The following CAMTA1 variants were observed in gnomAD, a reference collection of about 807,000 sequenced individuals.
CAMTA1 encodes calmodulin binding transcription activator 1.
In CAMTA1, 27 loss-of-function variants were observed where a neutral mutation model predicts 170.9. The observed-to-expected ratio is 0.16, with a 90% CI of 0.12 to 0.22. The LOEUF is 0.22. Among genes scored for constraint, CAMTA1 ranks in the 10% least tolerant of loss-of-function variants. The pLI, the probability that CAMTA1 is intolerant of heterozygous loss-of-function variation, is 1.00. For synonymous variants in CAMTA1, 833 were observed against 891.5 expected (o/e 0.93, Z 1.17); for missense variants, 1,619 against 2,217.2 (o/e 0.73, Z 5.42).
At chr1:6,913,380 C>A (rs1317977093) in intron 3 of CAMTA1, among the ~76,000 whole-genome samples, 2 of 152,190 alleles carry the variant, frequency 1.3e-5, no homozygotes, top group Non-Finnish European at 2.9e-5. Context: ...CCTCCCAGAT[C>A]TGCCTGCTTT....
intron 5 of CAMTA1, among the ~76,000 whole-genome samples, chr1:7,372,746 G>A (rs528726736): frequency 2.2e-4 from 34 of 152,314 alleles, no homozygotes; most frequent in African/African-American, 8.2e-4. Context: ...TTACCCTGTC[G>A]CACAGAAGTG....
intron 2 of CAMTA1, 72 bp downstream of exon 2, chr1:6,820,322 CAGTG>C: frequency 6.7e-7 from 1 of 1,487,012 alleles, no homozygotes; most frequent in Non-Finnish European, 9.4e-7. Context: ...TCATCTAGTA[CAGTG>C]GAAACAGCCT....
At chr1:7,741,440 G>T (rs1213816729) in intron 16 of CAMTA1, among the ~76,000 whole-genome samples, 1 of 151,996 alleles carries the variant, frequency 6.6e-6, no homozygotes, top group Non-Finnish European at 1.5e-5. Context: ...GCGGGCACCT[G>T]TAGTCCCAGT....
chr1:7,110,825 G>A (rs1056361943), intron 4 of CAMTA1, among the ~76,000 whole-genome samples: 34 of 152,216 alleles, frequency 2.2e-4, no homozygotes, highest in African/African-American at 5.1e-4. Flanking sequence ...GTGCGACCTC[G>A]ATTCCCAAAT....
intron 4 of CAMTA1, among the ~76,000 whole-genome samples, chr1:7,214,678 T>G (rs913616534): frequency 7.2e-5 from 11 of 152,216 alleles, no homozygotes; most frequent in Admixed American, 1.3e-4. Flanking sequence ...AAGATTTTAA[T>G]TTTCATGAAG....
chr1:7,031,225 G>C (rs1387152615), intron 3 of CAMTA1, among the ~76,000 whole-genome samples: 1 of 151,872 alleles, frequency 6.6e-6, no homozygotes, highest in Non-Finnish European at 1.5e-5. Context: ...ATTTCTATCA[G>C]TTTTTGCTTC....
rs1006954256 is a variant in CAMTA1, at chr1:7,682,930, G to C, written c.2914+5197G>C. 2.0e-5 allele frequency among the ~76,000 whole-genome samples: 3 copies of C among 152,208 alleles called. No individual in the cohort carries two copies. Among genetic ancestry groups the C allele is most frequent in the Non-Finnish European group, 4.4e-5 (3 of 68,040 alleles). ...CTCACGCCTGTGATCCCAGCACTTT[G>C]GGAGGCCGAGGCAGGCGGATCACAA... On this transcript the variant is annotated intron_variant, in intron 11 of 22. Transcript: ENST00000303635. This position sits in a 1 kb window ranked among gnomAD's most constrained non-coding sequence, Gnocchi z 5.0.
At chr1:7,180,980 T>C (rs1652035497) in intron 4 of CAMTA1, among the ~76,000 whole-genome samples, 1 of 152,226 alleles carries the variant, frequency 6.6e-6, no homozygotes, top group Non-Finnish European at 1.5e-5. Context: ...TATAAACTTA[T>C]AAATATTGAA....
intron 5 of CAMTA1, among the ~76,000 whole-genome samples, chr1:7,266,141 A>G (rs7517429): frequency 0.93 from 141,104 of 152,328 alleles, 65,515 homozygotes; most frequent in African/African-American, 0.98. Context: ...ATGCAGATCC[A>G]GTAGATTGGC....
intron 3 of CAMTA1, among the ~76,000 whole-genome samples, chr1:7,058,502 G>A (rs1006006283): frequency 6.6e-6 from 1 of 152,202 alleles, no homozygotes; most frequent in African/African-American, 2.4e-5. Flanking sequence ...GGCAGGTGCT[G>A]ATGTAGTTTC....
chr1:7,332,627 C>A (rs2083102107), intron 5 of CAMTA1, among the ~76,000 whole-genome samples: 1 of 152,180 alleles, frequency 6.6e-6, no homozygotes, highest in Non-Finnish European at 1.5e-5. Context: ...AATTTTCCCG[C>A]AGCCATTGTG....
At chr1:6,798,584 ATTTTTTTTTTTTT>A (rs548325478) in intron 1 of CAMTA1, among the ~76,000 whole-genome samples, 1 of 117,612 alleles carries the variant, frequency 8.5e-6, no homozygotes, top group Non-Finnish European at 1.8e-5. Context: ...CACCTGGCTA[ATTTTTTTTTTTTT>A]TTTTTTTTTT....
chr1:7,546,737 C>T (rs981601847), intron 6 of CAMTA1, among the ~76,000 whole-genome samples: 2 of 152,210 alleles, frequency 1.3e-5, no homozygotes, highest in African/African-American at 2.4e-5. Context: ...TTTTGATTTG[C>T]ATTTCCCTAA....
intron 4 of CAMTA1, among the ~76,000 whole-genome samples, chr1:7,137,317 T>A: frequency 6.6e-6 from 1 of 152,184 alleles, no homozygotes; most frequent in East Asian, 1.9e-4. Flanking sequence ...TAGGATTTCT[T>A]TTTGACATTC....
chr1:6,830,674 T>C (rs1649583431), intron 3 of CAMTA1, among the ~76,000 whole-genome samples: 1 of 152,106 alleles, frequency 6.6e-6, no homozygotes, highest in African/African-American at 2.4e-5. Context: ...AATTTATGTA[T>C]TACAATATAA....
chr1:7,060,127 C>A lies in CAMTA1; in HGVS notation c.235-31177C>A, dbSNP rs192417190. Among the ~76,000 whole-genome samples the A allele has an allele frequency of 5.3e-5, 8 of 152,262 alleles. No homozygotes were observed. In the East Asian group the frequency reaches 1.5e-3, roughly 29 times the overall value. ...ATGGGGACCTTAAGACTGGCAAAAT[C>A]CTTTCCTAGGGGGTGGTATGAGTAT... On this transcript the variant is annotated intron_variant, in intron 3 of 22. Transcript: ENST00000303635.
At chr1:6,921,796 A>G (rs1335142514) in intron 3 of CAMTA1, among the ~76,000 whole-genome samples, 3 of 152,190 alleles carry the variant, frequency 2.0e-5, no homozygotes, top group South Asian at 4.1e-4. Flanking sequence ...CTTATTCGCT[A>G]TTATAAGAAC....
Position 6,978,752 on chromosome 1 carries a change from G to C in CAMTA1, c.235-112552G>C, listed in dbSNP as rs182496680. Among the ~76,000 whole-genome samples the C allele has an allele frequency of 4.6e-5, 7 of 152,160 alleles. No individual in the cohort carries two copies. The South Asian group carries it at 6.2e-4, about 14-fold the overall frequency. ...TTAAAGTCAGTAATAATGACCGCATGTTTTAGACAGGATGGATGTATTCTA... is the reference window on the plus strand; with the variant it reads ...TTAAAGTCAGTAATAATGACCGCATCTTTTAGACAGGATGGATGTATTCTA... On this transcript the variant is annotated intron_variant, in intron 3 of 22. Transcript: ENST00000303635.
At chr1:7,549,884 G>T (rs2094774649) in intron 6 of CAMTA1, among the ~76,000 whole-genome samples, 1 of 152,086 alleles carries the variant, frequency 6.6e-6, no homozygotes, top group African/African-American at 2.4e-5. Flanking sequence ...CTTGGCCCTG[G>T]GGGCTCAGAG....
Sources: gnomAD v4.1 joint callset for allele counts (sites outside exome capture counted in the v4.1 genomes callset) on GRCh38, gnomAD v4.1.1 for gene constraint, Gnocchi (gnomAD v3.1) non-coding constraint, MANE v1.5 for transcripts, NCBI Gene and HGNC (gene_info 2026-07-23, HGNC 2026-07-21) for gene names.